GAD1: variants seen among roughly 807,000 people sequenced by gnomAD.
GAD1 encodes 67 kDa glutamic acid decarboxylase.
Under a neutral mutation model 75.2 loss-of-function variants are expected in GAD1, and 35 were observed. The observed-to-expected ratio is 0.47, with a 90% confidence interval of 0.36 to 0.62. The LOEUF (loss-of-function observed/expected upper bound fraction) is 0.62, where lower values mean the gene tolerates loss of function less well. Among genes scored for constraint, GAD1 ranks in the 20% least tolerant of loss-of-function variants. GAD1 has a pLI of 0.00. For synonymous variants in GAD1, 257 were observed against 271.9 expected, an observed-to-expected ratio of 0.95 and a Z score of 0.54; for missense variants, 490 against 758.5, an observed-to-expected ratio of 0.65 and a Z score of 4.16.
chr2:170,830,464 C>G (rs1029175840), intron 4 of GAD1, among the ~76,000 whole-genome samples: 1 of 152,268 alleles, frequency 6.6e-6, no homozygotes, highest in Non-Finnish European at 1.5e-5. Context: ...TCTTCCAGCT[C>G]CAGTTTCCTG....
intron 6 of GAD1, among the ~76,000 whole-genome samples, chr2:170,840,210 C>T (rs997207898): frequency 1.3e-5 from 2 of 152,166 alleles, no homozygotes; most frequent in Non-Finnish European, 2.9e-5. Flanking sequence ...AAGTGCCTAG[C>T]GTATACAAGG....
chr2:170,840,871 G>A (rs1160354362), intron 6 of GAD1, among the ~76,000 whole-genome samples: 2 of 152,062 alleles, frequency 1.3e-5, no homozygotes, highest in Non-Finnish European at 2.9e-5. Context: ...ACAAAGCAAG[G>A]GAAAATTGAT....
At position 170,853,634 on chromosome 2, in the gene GAD1, G is replaced by A. The variant is rs1702792722; in HGVS notation, c.1264-239G>A. ...CACCCATACACATTTCCCCTTAGAG[G>A]GATGGCATCTGAGACGGAAAGATCA... is the stretch of plus-strand genomic sequence containing the variant. On this transcript the variant is annotated intron_variant, in intron 13 of 16. Coordinates refer to ENST00000358196, the MANE Select transcript of GAD1 (RefSeq NM_000817.3). This position sits in a 1 kb window ranked among gnomAD's most constrained non-coding sequence, Gnocchi z 4.1. 2.0e-6 allele frequency: 1 copy of A among 500,930 alleles called. No homozygotes were observed. 31.0% of individuals were successfully genotyped at this position (500,930 alleles called of 1,614,324 possible).
chr2:170,858,954 C>T (rs189783596), intron 16 of GAD1, 61 bp downstream of exon 16: 1 of 1,425,598 alleles, frequency 7.0e-7, no homozygotes, highest in Admixed American at 1.7e-5. Flanking sequence ...GTCAGGACAT[C>T]CTCATTCCAA....
chr2:170,836,339 C>T (rs1395500461), intron 5 of GAD1, among the ~76,000 whole-genome samples: 2 of 152,136 alleles, frequency 1.3e-5, no homozygotes, highest in Non-Finnish European at 2.9e-5. Flanking sequence ...CCTGTTAAAG[C>T]ATACTGTGGG....
intron 3 of GAD1, chr2:170,829,158 G>A (rs1559273021): frequency 2.4e-6 from 1 of 411,826 alleles, no homozygotes; most frequent in East Asian, 5.5e-5. Context: ...GCCCTATCCT[G>A]GGGCTGGTCA....
intron 5 of GAD1, among the ~76,000 whole-genome samples, chr2:170,831,594 ATGTGTGTGTGTGTGTG>A (rs370649454): frequency 1.4e-4 from 17 of 122,792 alleles, no homozygotes; most frequent in East Asian, 4.6e-4. Context: ...GTCTCTACAT[ATGTGTGTGTGTGTGTG>A]TGTGTGTGTG....
At chr2:170,820,234 G>A (rs957690382) in intron 2 of GAD1, among the ~76,000 whole-genome samples, 1 of 152,224 alleles carries the variant, frequency 6.6e-6, no homozygotes, top group African/African-American at 2.4e-5. Context: ...CGCCCTTACG[G>A]AATTCCCGGT....
In GAD1 at chr2:170,822,568, C is replaced by T. The variant is rs542058033; in HGVS notation, c.145+419C>T. 7.1e-4 allele frequency among the ~76,000 whole-genome samples: 108 copies of T among 152,350 alleles called. No homozygotes were observed. In the Middle Eastern group the frequency reaches 0.014, roughly 19 times the overall value. On this transcript the variant is annotated intron_variant, in intron 3 of 16. Transcript: ENST00000358196. ...TGATCTGGCTTGCTGGAGAGCAGAC[C>T]AAAGGCGGTGTATCTGCCTAAAGCT...
Position 170,818,650 on chromosome 2 carries a change from A to G in GAD1, c.59A>G (p.Asn20Ser), listed in dbSNP as rs766656844. The G allele has an allele frequency of 3.5e-5, 57 of 1,613,902 alleles. No homozygotes were observed. The South Asian group carries it at 4.0e-4, about 11-fold the overall frequency. Residue 20 changes from asparagine to serine, a missense_variant, in exon 2 of 17, where the codon AAT (asparagine) becomes AGT (serine). By Grantham distance (46) the Asn-to-Ser change is conservative. Transcript: ENST00000358196. This position sits in a 1 kb window ranked among gnomAD's most constrained non-coding sequence, Gnocchi z 5.9. The stretch of plus-strand genomic sequence containing the variant: ...TCCTCGAACGCGGGAGCGGACCCCA[A>G]TACCACTAACCTGCGCCCCACAAGT... ...ATSSNAGADP[N>S]TTNLRPTTYD...
At chr2:170,828,673 C>A (rs983133647) in intron 3 of GAD1, among the ~76,000 whole-genome samples, 3 of 137,696 alleles carry the variant, frequency 2.2e-5, no homozygotes, top group Non-Finnish European at 4.7e-5. Flanking sequence ...TCACCCTCCT[C>A]CCCTGTTGTC....
intron 3 of GAD1, 56 bp from the exon 4 acceptor site, chr2:170,829,419 C>T: frequency 1.3e-6 from 2 of 1,593,420 alleles, no homozygotes; most frequent in South Asian, 1.1e-5. Context: ...CTGCAGCTGA[C>T]CCTCAGGGGC....
chr2:170,838,786 C>T (rs1702431631), intron 6 of GAD1, among the ~76,000 whole-genome samples: 1 of 152,192 alleles, frequency 6.6e-6, no homozygotes, highest in African/African-American at 2.4e-5. Flanking sequence ...AGCTGCAAAA[C>T]ACTAAAATGT....
intron 5 of GAD1, among the ~76,000 whole-genome samples, chr2:170,836,125 C>A (rs1237165073): frequency 7.0e-6 from 1 of 142,014 alleles, no homozygotes; most frequent in Non-Finnish European, 1.5e-5. Context: ...TTTTTTTTTT[C>A]AGAAGCAAAG....
At chr2:170,855,431 C>A (rs1702830208) in intron 14 of GAD1, among the ~76,000 whole-genome samples, 1 of 151,774 alleles carries the variant, frequency 6.6e-6, no homozygotes, top group Non-Finnish European at 1.5e-5. Context: ...TAGACTTGAA[C>A]TCCTGACCCC....
Position 170,818,705 on chromosome 2 carries a change from A to T in GAD1, c.82+32A>T, listed in dbSNP as rs770004569. On this transcript the variant is annotated intron_variant, in intron 2 of 16. Transcript: ENST00000358196. The surrounding 1 kb of genome is among the most constrained non-coding windows in gnomAD (Gnocchi z 5.9). ...CCCGCCCCAATTTTCTATCAAATGA[A>T]CTGCAGGGAAGATGGGGGCGCTGGG... is the stretch of plus-strand genomic sequence containing the variant. The T allele has an allele frequency of 5.0e-6, 8 of 1,603,008 alleles. No individual in the cohort carries two copies. In the African/African-American group the frequency reaches 1.1e-4, roughly 21 times the overall value.
chr2:170,831,632 G>GTA (rs1228270302), intron 5 of GAD1, among the ~76,000 whole-genome samples: 2 of 137,474 alleles, frequency 1.5e-5, no homozygotes, highest in Non-Finnish European at 3.1e-5. Context: ...GTGTGTGTGT[G>GTA]TGTATATACC....
intron 5 of GAD1, among the ~76,000 whole-genome samples, chr2:170,836,485 T>C (rs7602684): frequency 0.024 from 3,628 of 152,262 alleles, 143 homozygotes; most frequent in African/African-American, 0.083. Flanking sequence ...CATTTTACTA[T>C]ATATATATTG....
intron 6 of GAD1, chr2:170,842,596 G>A (rs1264441439): frequency 1.9e-6 from 3 of 1,614,074 alleles, no homozygotes. Context: ...AGTGTTGGTT[G>A]CTACGGTGAT....
Sources: gnomAD v4.1 joint callset for allele counts (sites outside exome capture counted in the v4.1 genomes callset) on GRCh38, gnomAD v4.1.1 for gene constraint, Gnocchi (gnomAD v3.1) non-coding constraint, MANE v1.5 for transcripts, NCBI Gene and HGNC (gene_info 2026-07-23, HGNC 2026-07-21) for gene names.